The following UNC13C variants were observed in gnomAD, a reference collection of about 807,000 sequenced individuals.
UNC13C encodes the protein unc-13 homolog C.
Under a neutral mutation model 245.4 loss-of-function variants are expected in UNC13C, and 174 were observed. The observed-to-expected ratio is 0.71, with a 90% CI of 0.63 to 0.80. UNC13C has a LOEUF of 0.80. UNC13C is among the 30% of genes least tolerant of loss of function. The pLI is 0.00. For missense variants in UNC13C, 2,829 were observed against 2,602.9 expected (o/e 1.09, Z -1.89); for synonymous variants, 992 against 895.1 (o/e 1.11, Z -1.93).
chr15:54,138,625 C>T (rs906910783), intron 2 of UNC13C, among the ~76,000 whole-genome samples: 8 of 152,084 alleles, frequency 5.3e-5, no homozygotes, highest in African/African-American at 1.9e-4. Flanking sequence ...TATATTTAAT[C>T]ATGTATGCTT....
At chr15:54,251,171 G>T (rs1431176620) in intron 8 of UNC13C, among the ~76,000 whole-genome samples, 5 of 152,124 alleles carry the variant, frequency 3.3e-5, no homozygotes, top group Admixed American at 3.3e-4. Context: ...ACAGCAACTG[G>T]AATTCTTTTT....
intron 2 of UNC13C, among the ~76,000 whole-genome samples, chr15:54,133,151 T>C (rs948175242): frequency 6.6e-6 from 1 of 152,164 alleles, no homozygotes; most frequent in Non-Finnish European, 1.5e-5. Flanking sequence ...TATCATAGAA[T>C]TTAGAGCTAG....
chr15:54,454,971 G>T lies in UNC13C; in HGVS notation c.4934-39637G>T, dbSNP rs1891395537. Among the ~76,000 whole-genome samples, 12 of 151,294 alleles carry T rather than the reference G, an allele frequency of 7.9e-5. No individual in the cohort carries two copies. The South Asian group carries it at 2.5e-3, about 32-fold the overall frequency. On this transcript the variant is annotated intron_variant, in intron 19 of 32. Transcript: ENST00000260323. Reference sequence around the variant, plus strand: ...TAGTCTTTTATCCCTTACCACCCTTGCCCCCAAGTCTCCAGAGTTCATTAT... The same window carrying T: ...TAGTCTTTTATCCCTTACCACCCTTTCCCCCAAGTCTCCAGAGTTCATTAT...
At chr15:54,529,936 T>A (rs527522329) in intron 25 of UNC13C, among the ~76,000 whole-genome samples, 41 of 152,314 alleles carry the variant, frequency 2.7e-4, no homozygotes, top group African/African-American at 8.9e-4. Flanking sequence ...ATGGTGGTGA[T>A]GCTAACAGTC....
At chr15:54,002,427 C>T (rs932940418) in intron 1 of UNC13C, among the ~76,000 whole-genome samples, 16 of 151,308 alleles carry the variant, frequency 1.1e-4, no homozygotes, top group African/African-American at 3.2e-4. Flanking sequence ...TTTTACCTTG[C>T]GGGGTTGTTT....
chr15:54,396,133 A>G (rs1026979422), intron 18 of UNC13C, among the ~76,000 whole-genome samples: 5 of 151,748 alleles, frequency 3.3e-5, no homozygotes, highest in Non-Finnish European at 7.4e-5. Context: ...AAAATTTCAC[A>G]TATTTAAATA....
chr15:54,258,270 A>G (rs542364625), intron 8 of UNC13C, among the ~76,000 whole-genome samples: 1 of 152,306 alleles, frequency 6.6e-6, no homozygotes, highest in East Asian at 1.9e-4. Context: ...AGCATCCAGC[A>G]TACTGCAGAC....
intron 2 of UNC13C, among the ~76,000 whole-genome samples, chr15:54,069,659 A>C (rs921619919): frequency 6.6e-6 from 1 of 152,210 alleles, no homozygotes; most frequent in South Asian, 2.1e-4. Flanking sequence ...TCGATTGCTT[A>C]AAAGGAGAAG....
chr15:54,362,598 G>A (rs969464366), intron 17 of UNC13C, among the ~76,000 whole-genome samples: 5 of 152,082 alleles, frequency 3.3e-5, no homozygotes, highest in Admixed American at 6.6e-5. Context: ...TCACAAAAAC[G>A]GAGTTATAGA....
At chr15:54,366,803 G>A (rs1344029646) in intron 17 of UNC13C, among the ~76,000 whole-genome samples, 1 of 152,042 alleles carries the variant, frequency 6.6e-6, no homozygotes. Context: ...TCTGAAAAAT[G>A]GCTAACCTAT....
chr15:54,080,400 A>C (rs1898878511), intron 2 of UNC13C, among the ~76,000 whole-genome samples: 2 of 152,038 alleles, frequency 1.3e-5, no homozygotes, highest in African/African-American at 4.8e-5. Context: ...GATTGGTATC[A>C]GCTCTTCTTT....
At chr15:54,583,633 T>G (rs1033366356) in intron 30 of UNC13C, among the ~76,000 whole-genome samples, 2 of 152,224 alleles carry the variant, frequency 1.3e-5, no homozygotes, top group Non-Finnish European at 2.9e-5. Flanking sequence ...AGCCAGGTTT[T>G]GTTGGAAACT....
At position 54,061,909 on chromosome 15, in the gene UNC13C, T is replaced by C. The variant is rs893901233; in HGVS notation, c.2983+46023T>C. On this transcript the variant is annotated intron_variant, in intron 2 of 32. Transcript: ENST00000260323. ...ATCAGGGTCATGGATGTTTGTAAATTTAAAAAATGCCCCTCAGAATTTGGG... is the reference window on the plus strand; with the variant it reads ...ATCAGGGTCATGGATGTTTGTAAATCTAAAAAATGCCCCTCAGAATTTGGG... Among the ~76,000 whole-genome samples the C allele has an allele frequency of 5.3e-5, 8 of 152,200 alleles. No individual in the cohort carries two copies. The Middle Eastern group carries it at 0.01, about 194-fold the overall frequency.
At chr15:54,232,473 A>G (rs774914911) in intron 4 of UNC13C, among the ~76,000 whole-genome samples, 9 of 152,130 alleles carry the variant, frequency 5.9e-5, no homozygotes, top group Non-Finnish European at 1.2e-4. Context: ...CTGATTCCCA[A>G]ATTTGTGGGT....
chr15:53,896,725 G>A, the UNC13C span, among the ~76,000 whole-genome samples: 2 of 152,158 alleles, frequency 1.3e-5, no homozygotes, highest in Admixed American at 1.3e-4. Flanking sequence ...TGCCTGCTGT[G>A]GATTTTTAGA....
At chr15:53,944,088 AGTTT>A in the UNC13C span, among the ~76,000 whole-genome samples, 4 of 109,376 alleles carry the variant, frequency 3.7e-5, no homozygotes, top group African/African-American at 5.4e-5. Flanking sequence ...TCTTTTAGTT[AGTTT>A]ATTTGGGTAA....
chr15:53,916,746 A>C, the UNC13C span, among the ~76,000 whole-genome samples: 1 of 152,202 alleles, frequency 6.6e-6, no homozygotes. Context: ...ATTCTCATGC[A>C]CTTTAGAAAG....
the UNC13C span, among the ~76,000 whole-genome samples, chr15:53,846,281 T>G: frequency 2.7e-3 from 406 of 152,332 alleles, 2 homozygotes; most frequent in African/African-American, 9.3e-3. Context: ...CATTGTGTAG[T>G]GTGATGAGGT....
rs191508395 is a variant in UNC13C at position 54,037,906 on chromosome 15, T to G, written c.2983+22020T>G. ...CAAATATATGGAAATCTGTATTCTT[T>G]TACCAAAAAGTGAGAAGTGTAAAAG... On this transcript the variant is annotated intron_variant, in intron 2 of 32. Coordinates refer to ENST00000260323, the MANE Select transcript of UNC13C (RefSeq NM_001080534.3). Among the ~76,000 whole-genome samples the G allele has an allele frequency of 7.6e-3, 880 of 115,146 alleles. 9 individuals are homozygous for G. Among genetic ancestry groups the G allele is most frequent in the African/African-American group, 0.025 (851 of 34,164 alleles). 75.5% of individuals were successfully genotyped at this position (115,146 alleles called of 152,430 possible).
Sources: gnomAD v4.1 joint callset for allele counts (sites outside exome capture counted in the v4.1 genomes callset) on GRCh38, gnomAD v4.1.1 for gene constraint, MANE v1.5 for transcripts, NCBI Gene and HGNC (gene_info 2026-07-23, HGNC 2026-07-21) for gene names.